STAU1: variants seen among roughly 807,000 people sequenced by gnomAD.
STAU1 encodes the protein staufen double-stranded RNA binding protein 1.
A neutral mutation model predicts 62.9 loss-of-function variants in STAU1; 13 were observed. That is an observed-to-expected ratio of 0.21 (90% CI 0.13 to 0.33). STAU1 has a LOEUF of 0.33. Ranked by LOEUF, STAU1 falls within the 10% of genes least tolerant of loss-of-function variation. STAU1 has a pLI of 1.00. For missense variants in STAU1, 571 were observed against 712.1 expected, an observed-to-expected ratio of 0.80 and a Z score of 2.25; for synonymous variants, 269 against 265.1, an observed-to-expected ratio of 1.01 and a Z score of -0.14.
At chr20:49,141,378 CAGG>C (rs1448533672) in intron 5 of STAU1, among the ~76,000 whole-genome samples, 2 of 152,224 alleles carry the variant, frequency 1.3e-5, no homozygotes, top group African/African-American at 4.8e-5. Context: ...TGTTTGAAGT[CAGG>C]AGTTCAAGAT....
chr20:49,163,520 G>C (rs970311358), intron 3 of STAU1, among the ~76,000 whole-genome samples: 3 of 148,802 alleles, frequency 2.0e-5, no homozygotes, highest in African/African-American at 7.4e-5. Context: ...CTGCCTCCCA[G>C]GTTCAAGCGA....
chr20:49,181,516 T>C (rs2093723791), intron 1 of STAU1, among the ~76,000 whole-genome samples: 1 of 152,028 alleles, frequency 6.6e-6, no homozygotes, highest in African/African-American at 2.4e-5. Flanking sequence ...TGTAATCCTA[T>C]CACTTTGCGA....
At chr20:49,162,367 A>C (rs963952311) in intron 3 of STAU1, among the ~76,000 whole-genome samples, 6 of 152,154 alleles carry the variant, frequency 3.9e-5, no homozygotes, top group East Asian at 1.9e-4. Flanking sequence ...GGAAAATAAC[A>C]TCTCTCCAGG....
the STAU1 span, chr20:49,210,405 T>A: frequency 2.2e-6 from 1 of 455,878 alleles, no homozygotes; most frequent in Non-Finnish European, 4.4e-6. Context: ...AGGGGGCAAA[T>A]GTGTTTCTTA....
intron 8 of STAU1, among the ~76,000 whole-genome samples, chr20:49,122,503 A>C (rs939515223): frequency 2.0e-5 from 3 of 152,276 alleles, no homozygotes; most frequent in African/African-American, 7.2e-5. Context: ...GCTGGTGTGC[A>C]GACATTACAT....
intron 1 of STAU1, among the ~76,000 whole-genome samples, chr20:49,175,878 T>C (rs1324993487): frequency 7.1e-6 from 1 of 141,616 alleles, no homozygotes; most frequent in Non-Finnish European, 1.5e-5. Context: ...CACTGCAAGC[T>C]CCGCCTCCAG....
chr20:49,124,310 C>A, intron 7 of STAU1, 65 bp downstream of exon 7: 1 of 1,536,554 alleles, frequency 6.5e-7, no homozygotes, highest in South Asian at 1.2e-5. Flanking sequence ...CAGCGACCAG[C>A]CTTCTAAACC....
At chr20:49,143,373 C>T (rs6125564) in intron 5 of STAU1, among the ~76,000 whole-genome samples, 15,163 of 152,150 alleles carry the variant, frequency 0.1, 907 homozygotes, top group Non-Finnish European at 0.13. Context: ...GGGCGGATCA[C>T]TTGAGCCCAG....
At chr20:49,115,145 C>T (rs972828177) in intron 13 of STAU1, among the ~76,000 whole-genome samples, 1 of 149,588 alleles carries the variant, frequency 6.7e-6, no homozygotes, top group Non-Finnish European at 1.5e-5. Context: ...AAGAAACATA[C>T]AGGAAAGATA....
chr20:49,140,640 G>A (rs777814914), intron 5 of STAU1, among the ~76,000 whole-genome samples: 6 of 152,130 alleles, frequency 3.9e-5, no homozygotes, highest in African/African-American at 9.7e-5. Flanking sequence ...CAAGGGCCAC[G>A]AGCAAGGGAG....
At position 49,151,540 on chromosome 20, in the gene STAU1, T is replaced by TA. The variant is rs1243864429; in HGVS notation, c.510+41dup. 2.6e-6 allele frequency: 4 copies of TA among 1,538,474 alleles called. No individual in the cohort carries two copies. The Admixed American group carries it at 8.7e-5, about 33-fold the overall frequency. On this transcript the variant is annotated intron_variant, in intron 5 of 13. Transcript: ENST00000371856. ...CGGTGACATCTCCCCACTACCCTCC[T>TA]ACCCTGTCGAAGCGTCAGGGAGCCT... is the stretch of plus-strand genomic sequence containing the variant.
chr20:49,156,892 TTAA>T (rs1407596797), intron 3 of STAU1, among the ~76,000 whole-genome samples: 1 of 151,920 alleles, frequency 6.6e-6, no homozygotes, highest in African/African-American at 2.4e-5. Context: ...TTTTTTTTTT[TTAA>T]GAGACACAGT....
the STAU1 span, among the ~76,000 whole-genome samples, chr20:49,207,973 C>A: frequency 1.1e-4 from 16 of 151,724 alleles, no homozygotes; most frequent in African/African-American, 3.9e-4. Flanking sequence ...CGCTGCCTCC[C>A]GGGTTCAAGT....
At chr20:49,204,639 TA>T in the STAU1 span, among the ~76,000 whole-genome samples, 2 of 59,898 alleles carry the variant, frequency 3.3e-5, no homozygotes, top group African/African-American at 8.1e-5. Context: ...TATATATATA[TA>T]TATATATTTT....
Position 49,166,057 on chromosome 20 carries a change from T to C in STAU1, c.145A>G (p.Arg49Gly), listed in dbSNP as rs752729176. ...TSSLPSENAG[R>G]PIQNSALPSA... ...GGTAAAGCAGAGTTTTGAATGGGTC[T>C]ACCTGCATTTTCAGAGGGCAGAGAG... The change falls in exon 3 of 14, where the codon AGA becomes GGA. Residue 49 changes from arginine to glycine, a missense_variant. Arg to Gly is a moderately radical substitution (Grantham distance 125). Around this residue, in one of 3 missense-constraint regions of STAU1, gnomAD observed 414 missense variants for 499.6 expected, o/e 0.83. Coordinates refer to ENST00000371856, the MANE Select transcript of STAU1 (RefSeq NM_017453.4). 94 of 1,614,222 alleles carry C rather than the reference T, an allele frequency of 5.8e-5. No individual in the cohort carries two copies. Among genetic ancestry groups the C allele is most frequent in the Non-Finnish European group, 7.9e-5 (93 of 1,180,040 alleles).
chr20:49,125,730 C>A (rs2092597219), intron 6 of STAU1, among the ~76,000 whole-genome samples: 1 of 151,938 alleles, frequency 6.6e-6, no homozygotes, highest in Admixed American at 6.6e-5. Flanking sequence ...CGCCTGTAGT[C>A]CCAGCTACTC....
intron 2 of STAU1, among the ~76,000 whole-genome samples, chr20:49,173,772 C>T (rs1270645026): frequency 3.3e-5 from 5 of 152,156 alleles, no homozygotes; most frequent in South Asian, 2.1e-4. Flanking sequence ...TAGTGGTCAA[C>T]GAAGCTTGAT....
chr20:49,123,047 G>A (rs752561183), intron 8 of STAU1, 45 bp downstream of exon 8: 227 of 1,528,932 alleles, frequency 1.5e-4, no homozygotes, highest in Non-Finnish European at 4.0e-5. Context: ...CCCCAAGGCT[G>A]GACGTGGTCA....
intron 6 of STAU1, among the ~76,000 whole-genome samples, chr20:49,125,535 A>G (rs1196937744): frequency 7.8e-5 from 5 of 64,032 alleles, no homozygotes; most frequent in Middle Eastern, 0.013. Flanking sequence ...GTCTCAAAGG[A>G]AAAAAAAAAA....
Sources: allele counts gnomAD v4.1 joint callset (sites outside exome capture counted in the v4.1 genomes callset), GRCh38; gene constraint gnomAD v4.1.1; regional missense constraint gnomAD v4.1.1; transcripts MANE v1.5; gene names NCBI Gene and HGNC (gene_info 2026-07-23, HGNC 2026-07-21).